Variants in AGAP3 observed in about 807,000 individuals in gnomAD.
The protein encoded by AGAP3 is arf-GAP with GTPase, ANK repeat and PH domain-containing protein 3.
In AGAP3, 24 loss-of-function variants were observed where a neutral mutation model predicts 96.9. The ratio of observed to expected loss-of-function variants is 0.25; its 90% CI spans 0.18 to 0.35. The LOEUF is 0.35. Ranked by LOEUF, AGAP3 falls within the 10% of genes least tolerant of loss-of-function variation. AGAP3 has a pLI of 1.00. For synonymous variants in AGAP3, 563 were observed against 536.1 expected (o/e 1.05, Z -0.69); for missense variants, 876 against 1,254.2 (o/e 0.70, Z 4.55).
At chr7:151,120,889 G>A (rs908996057) in intron 8 of AGAP3, 14 of 1,106,062 alleles carry the variant, frequency 1.3e-5, no homozygotes, top group African/African-American at 1.2e-4. Flanking sequence ...CCCAATGTGC[G>A]ACACACAGTG....
At chr7:151,100,848 T>A (rs1398502295) in intron 1 of AGAP3, among the ~76,000 whole-genome samples, 1 of 151,916 alleles carries the variant, frequency 6.6e-6, no homozygotes, top group Non-Finnish European at 1.5e-5. Context: ...TCTCAAAAAA[T>A]AATAATAAAA....
At position 151,117,388 on chromosome 7, in the gene AGAP3, G is replaced by A; in HGVS notation, c.496G>A (p.Glu166Lys). Residue 166 changes from glutamate to lysine, a missense_variant, in exon 4 of 18, where the codon GAG becomes AAG. Around this residue, in one of 8 missense-constraint regions of AGAP3, gnomAD observed 131 missense variants for 304.5 expected, o/e 0.43. Transcript: ENST00000397238. ...TGTCCTAGGGGGGCGGTTTAAGAAGGAGATTGTGGTGGATGGCCAGAGTTA... is the reference window on the plus strand; with the variant it reads ...TGTCCTAGGGGGGCGGTTTAAGAAGAAGATTGTGGTGGATGGCCAGAGTTA... ...ESPEGGRFKK[E>K]IVVDGQSYLL... 6.2e-7 allele frequency: 1 copy of A among 1,614,230 alleles called. No homozygotes were observed. The highest frequency in any genetic ancestry group is 8.5e-7 in the Non-Finnish European group (1 of 1,180,034).
chr7:151,119,619 C>G (rs2150478326), intron 7 of AGAP3, among the ~76,000 whole-genome samples: 1 of 152,344 alleles, frequency 6.6e-6, no homozygotes, highest in South Asian at 2.1e-4. Flanking sequence ...CGGGGTGACC[C>G]TCTACCTCCT....
Position 151,086,856 on chromosome 7 carries a change from G to C in AGAP3, c.115G>C (p.Ala39Pro). Residue 39 changes from alanine to proline, a missense_variant, in exon 1 of 18, where the codon GCG (alanine) becomes CCG (proline). Physicochemically the swap from Ala to Pro is conservative, Grantham distance 27. This residue lies in a region of AGAP3 where 62 missense variants were observed against 82.8 expected (regional missense o/e 0.75). Coordinates refer to ENST00000397238, the MANE Select transcript of AGAP3 (RefSeq NM_031946.7). ...CGTCTGCGGCGGGCAGTTCGGCGGC[G>C]CGGGGCCCGGGGCCGGGGGCGGCGG... ...QLVCGGQFGG[A>P]GPGAGGGGGP... 1 of 1,066,094 alleles carries C rather than the reference G, an allele frequency of 9.4e-7. No individual in the cohort carries two copies. The highest frequency in any genetic ancestry group is 1.1e-6 in the Non-Finnish European group (1 of 878,112). The allele number at this position is 1,066,094 out of a possible 1,614,324, so 66.0% of individuals were successfully genotyped here.
intron 1 of AGAP3, chr7:151,090,238 G>GGT (rs1563413989): frequency 3.7e-5 from 2 of 53,970 alleles, no homozygotes; most frequent in African/African-American, 3.0e-4. Flanking sequence ...TTCCCAGATG[G>GGT]GGGGGGGGGG....
intron 1 of AGAP3, among the ~76,000 whole-genome samples, chr7:151,092,374 T>G (rs1434298220): frequency 6.6e-6 from 1 of 152,246 alleles, no homozygotes; most frequent in Admixed American, 6.5e-5. Flanking sequence ...TGTGTTAGTT[T>G]CTTTTTAATA....
rs576619935 is a variant in AGAP3 at position 151,123,892 on chromosome 7, C to T, written c.1221+6C>T. ...GCGCCATCCCCATCAAGCAGGTCAGCGCCTCCCTTCCCGTGTGCTCCAGGG... is the reference window on the plus strand; with the variant it reads ...GCGCCATCCCCATCAAGCAGGTCAGTGCCTCCCTTCCCGTGTGCTCCAGGG... On this transcript the variant is annotated splice_donor_region_variant and intron_variant, in intron 9 of 17. Coordinates refer to ENST00000397238, the MANE Select transcript of AGAP3 (RefSeq NM_031946.7). The T allele has an allele frequency of 2.4e-5, 38 of 1,604,196 alleles. 1 individual carries two copies. Among genetic ancestry groups the T allele is most frequent in the South Asian group, 2.1e-4 (19 of 91,052 alleles).
Position 151,114,329 on chromosome 7 carries a change from C to T in AGAP3, c.332-2464C>T, listed in dbSNP as rs1799432211. ...GGCCTCATGTTCTTGGCTCTTCTGGCTCTTCCTTTGAAGAATGAGAAATGG... is the reference window on the plus strand; with the variant it reads ...GGCCTCATGTTCTTGGCTCTTCTGGTTCTTCCTTTGAAGAATGAGAAATGG... On this transcript the variant is annotated intron_variant, in intron 1 of 17. Coordinates refer to ENST00000397238, the MANE Select transcript of AGAP3 (RefSeq NM_031946.7). The surrounding 1 kb of genome is among the most constrained non-coding windows in gnomAD (Gnocchi z 4.4). 6.6e-6 allele frequency among the ~76,000 whole-genome samples: 1 copy of T among 152,368 alleles called. No individual in the cohort carries two copies. Among genetic ancestry groups the T allele is most frequent in the Middle Eastern group, 3.4e-3 (1 of 294 alleles).
At chr7:151,120,386 C>T (rs778579948) in intron 8 of AGAP3, 5 of 664,142 alleles carry the variant, frequency 7.5e-6, no homozygotes, top group Non-Finnish European at 1.4e-5. Flanking sequence ...CCACAGTCCT[C>T]CCTGCCCTCT....
rs1799644092 is a variant in AGAP3, at chr7:151,117,364, G to A, written c.479-7G>A. The A allele has an allele frequency of 6.2e-7, 1 of 1,614,176 alleles. No homozygotes were observed. The highest frequency in any genetic ancestry group is 8.5e-7 in the Non-Finnish European group (1 of 1,180,006). Reference sequence around the variant, plus strand: ...CACTTTGGACCTGACTGCGCGCTCTGTCCTAGGGGGGCGGTTTAAGAAGGA... The same window carrying A: ...CACTTTGGACCTGACTGCGCGCTCTATCCTAGGGGGGCGGTTTAAGAAGGA... On this transcript the variant is annotated splice_polypyrimidine_tract_variant and splice_region_variant and intron_variant, in intron 3 of 17. Coordinates refer to ENST00000397238, the MANE Select transcript of AGAP3 (RefSeq NM_031946.7).
chr7:151,141,785 T>TGCA lies in AGAP3; in HGVS notation c.1805-113_1805-112insGCA. On this transcript the variant is annotated intron_variant, in intron 13 of 17. Transcript: ENST00000397238. This position sits in a 1 kb window ranked among gnomAD's most constrained non-coding sequence, Gnocchi z 4.2. ...GTGGCCTTGCAGCTGGGGAAGGGTCTAGGGGAGGACACTTGCCAGTGGAGC... is the reference window on the plus strand; with the variant it reads ...GTGGCCTTGCAGCTGGGGAAGGGTCTGCAAGGGGAGGACACTTGCCAGTGGAGC... The TGCA allele has an allele frequency of 7.1e-7, 1 of 1,401,774 alleles. No homozygotes were observed. Among genetic ancestry groups the TGCA allele is most frequent in the Non-Finnish European group, 1.0e-6 (1 of 996,872 alleles). 86.8% of individuals were successfully genotyped at this position (1,401,774 alleles called of 1,614,324 possible).
chr7:151,119,989 C>G lies in AGAP3; in HGVS notation c.972C>G (p.Ala324=), dbSNP rs746127260. ...ASIPAVHINQ[A]TNGGGSAFSD... ...TCAGCAGCCCTCTTTGTCCTTAGGCCACGAATGGCGGCGGCAGCGCCTTCA... is the reference window on the plus strand; with the variant it reads ...TCAGCAGCCCTCTTTGTCCTTAGGCGACGAATGGCGGCGGCAGCGCCTTCA... Residue 324 remains alanine, a splice_region_variant and synonymous_variant, in exon 8 of 18, where the codon GCC becomes GCG. Coordinates refer to ENST00000397238, the MANE Select transcript of AGAP3 (RefSeq NM_031946.7). 1 of 1,613,602 alleles carries G rather than the reference C, an allele frequency of 6.2e-7. No individual in the cohort carries two copies. The highest frequency in any genetic ancestry group is 1.3e-5 in the African/African-American group (1 of 74,944).
At chr7:151,092,969 C>T (rs903445996) in intron 1 of AGAP3, among the ~76,000 whole-genome samples, 3 of 152,300 alleles carry the variant, frequency 2.0e-5, no homozygotes, top group Middle Eastern at 3.4e-3. Context: ...CTATAATTTT[C>T]TTCTGCTCCC....
chr7:151,088,958 G>A (rs1329507619), intron 1 of AGAP3, among the ~76,000 whole-genome samples: 2 of 152,018 alleles, frequency 1.3e-5, no homozygotes, highest in Non-Finnish European at 2.9e-5. Flanking sequence ...GTGAAATCCC[G>A]GGAGCCGGTG....
At position 151,089,163 on chromosome 7, in the gene AGAP3, A is replaced by G. The variant is rs528643189; in HGVS notation, c.331+2091A>G. 4.6e-3 allele frequency among the ~76,000 whole-genome samples: 691 copies of G among 151,566 alleles called. 6 individuals are homozygous for G. Among genetic ancestry groups the G allele is most frequent in the African/African-American group, 0.016 (657 of 41,262 alleles). On this transcript the variant is annotated intron_variant, in intron 1 of 17. Coordinates refer to ENST00000397238, the MANE Select transcript of AGAP3 (RefSeq NM_031946.7). ...TTTTCTGCTGTAGGCAGTCTTCAAA[A>G]GAAAAAAAAAACCACTCCTTCTCCA... is the stretch of plus-strand genomic sequence containing the variant.
In AGAP3 at chr7:151,108,591, G is replaced by A. The variant is rs949716674; in HGVS notation, c.332-8202G>A. On this transcript the variant is annotated intron_variant, in intron 1 of 17. Coordinates refer to ENST00000397238, the MANE Select transcript of AGAP3 (RefSeq NM_031946.7). The surrounding 1 kb of genome is among the most constrained non-coding windows in gnomAD (Gnocchi z 4.2). ...CAGAGCAGCCTTCGGAGGGTCCCAA[G>A]GATGTAGGCTGGGTCCTACGCCAGT... Among the ~76,000 whole-genome samples, 2 of 152,248 alleles carry A rather than the reference G, an allele frequency of 1.3e-5. No homozygotes were observed. The highest frequency in any genetic ancestry group is 2.4e-5 in the African/African-American group (1 of 41,466).
intron 9 of AGAP3, among the ~76,000 whole-genome samples, chr7:151,127,335 G>A (rs1800220739): frequency 1.3e-5 from 2 of 152,180 alleles, no homozygotes; most frequent in South Asian, 2.1e-4. Context: ...CCATCGCGGG[G>A]CCTCTTCCCT....
At position 151,141,521 on chromosome 7, in the gene AGAP3, T is replaced by A; in HGVS notation, c.1805-377T>A. ...TGCCCACACCCGCCTTCCCCCACCC[T>A]CTCCCAGTGTTTGCCTCCTAGCACC... On this transcript the variant is annotated intron_variant, in intron 13 of 17. Coordinates refer to ENST00000397238, the MANE Select transcript of AGAP3 (RefSeq NM_031946.7). This position sits in a 1 kb window ranked among gnomAD's most constrained non-coding sequence, Gnocchi z 4.2. 4.0e-6 allele frequency: 1 copy of A among 250,290 alleles called. No individual in the cohort carries two copies. Among genetic ancestry groups the A allele is most frequent in the Non-Finnish European group, 7.8e-6 (1 of 127,682 alleles). The allele number at this position is 250,290 out of a possible 1,614,324, so 15.5% of individuals were successfully genotyped here.
chr7:151,137,110 G>A (rs769802352), intron 11 of AGAP3, among the ~76,000 whole-genome samples: 27 of 152,374 alleles, frequency 1.8e-4, no homozygotes, highest in Non-Finnish European at 4.0e-4. Context: ...GGCCCCTTGG[G>A]CCATTCCTTT....
Sources: gnomAD v4.1 joint callset for allele counts (sites outside exome capture counted in the v4.1 genomes callset) on GRCh38, gnomAD v4.1.1 for gene constraint, gnomAD v4.1.1 regional missense constraint, Gnocchi (gnomAD v3.1) non-coding constraint, MANE v1.5 for transcripts, NCBI Gene and HGNC (gene_info 2026-07-23, HGNC 2026-07-21) for gene names.